The following GK5 variants were observed in gnomAD, a reference collection of about 807,000 sequenced individuals.
The protein encoded by GK5 is glycerol kinase 5.
Under a neutral mutation model 77.3 loss-of-function variants are expected in GK5, and 39 were observed. That is an observed-to-expected ratio of 0.50 (90% confidence interval 0.39 to 0.66). The LOEUF (loss-of-function observed/expected upper bound fraction) is 0.66. Among genes scored for constraint, GK5 ranks in the 30% least tolerant of loss-of-function variants. The pLI, the probability that GK5 is intolerant of heterozygous loss-of-function variation, is 0.00. For missense variants in GK5, 487 were observed against 633.8 expected, an observed-to-expected ratio of 0.77 and a Z score of 2.49; for synonymous variants, 211 against 208.0, an observed-to-expected ratio of 1.01 and a Z score of -0.13.
intron 3 of GK5, among the ~76,000 whole-genome samples, chr3:142,208,845 A>G (rs1448473655): frequency 6.6e-6 from 1 of 152,208 alleles, no homozygotes; most frequent in African/African-American, 2.4e-5. Flanking sequence ...CAGCTGGAAT[A>G]CGCCCTATAA....
At chr3:142,175,130 T>C (rs1329540322) in intron 12 of GK5, among the ~76,000 whole-genome samples, 3 of 152,206 alleles carry the variant, frequency 2.0e-5, no homozygotes, top group Non-Finnish European at 4.4e-5. Flanking sequence ...AAACAGCTTC[T>C]CTGTCTATCC....
At chr3:142,174,319 T>C (rs1390218080) in intron 12 of GK5, among the ~76,000 whole-genome samples, 3 of 152,222 alleles carry the variant, frequency 2.0e-5, no homozygotes, top group African/African-American at 7.2e-5. Context: ...GAGATTTTAT[T>C]TTAATTTTTC....
At chr3:142,189,942 A>G (rs1038003725) in intron 5 of GK5, among the ~76,000 whole-genome samples, 4 of 152,208 alleles carry the variant, frequency 2.6e-5, no homozygotes, top group African/African-American at 9.7e-5. Context: ...ATACACATAT[A>G]TACAAATAAG....
rs2063464034 is a variant in GK5 at position 142,165,497 on chromosome 3, T to TA, written c.*124dup. ...TTGTTTTTTTAAAAGCAATGCTTCTTAAGTTATGAAGCTTATTTAAAATTT... is the reference window on the plus strand; with the variant it reads ...TTGTTTTTTTAAAAGCAATGCTTCTTAAAGTTATGAAGCTTATTTAAAATTT... On this transcript the variant is annotated 3_prime_UTR_variant, in exon 16 of 16. Coordinates refer to ENST00000392993, the MANE Select transcript of GK5 (RefSeq NM_001039547.3). 3.0e-6 allele frequency: 2 copies of TA among 658,252 alleles called. No homozygotes were observed. The highest frequency in any genetic ancestry group is 4.8e-6 in the Non-Finnish European group (2 of 419,106). The allele number at this position is 658,252 out of a possible 1,614,324, so 40.8% of individuals were successfully genotyped here. A position where few individuals can be genotyped will look rare whatever the true frequency, so the allele number is the denominator to read the frequency against.
chr3:142,176,060 C>G (rs1176112854), intron 12 of GK5, among the ~76,000 whole-genome samples: 1 of 151,918 alleles, frequency 6.6e-6, no homozygotes, highest in African/African-American at 2.4e-5. Context: ...AAAATTTTCA[C>G]TTTCTGGACT....
At chr3:142,213,427 T>G (rs1577149642) in intron 3 of GK5, 99 bp downstream of exon 3, 1 of 789,464 alleles carries the variant, frequency 1.3e-6, no homozygotes, top group East Asian at 2.5e-5. Context: ...GAAACTATTC[T>G]CAATTCAGAA....
chr3:142,159,845 C>CTTTTTTTTT lies in GK5; in HGVS notation c.*5776_*5777insAAAAAAAAA, dbSNP rs1560204229. On this transcript the variant is annotated 3_prime_UTR_variant, in exon 16 of 16. Transcript: ENST00000392993. ...TTTGGGGCTTTCTCTCTCTCTCTCT[C>CTTTTTTTTT]TCTCTCTCTTTTTTTTTTTTGAGAC... is the stretch of plus-strand genomic sequence containing the variant. 9.5e-6 allele frequency: 1 copy of CTTTTTTTTT among 104,714 alleles called. No individual in the cohort carries two copies. Among genetic ancestry groups the CTTTTTTTTT allele is most frequent in the African/African-American group, 4.2e-5 (1 of 24,020 alleles). The allele number at this position is 104,714 out of a possible 1,614,324, so 6.5% of individuals were successfully genotyped here.
At chr3:142,220,534 A>G (rs956574245) in intron 1 of GK5, among the ~76,000 whole-genome samples, 2 of 152,176 alleles carry the variant, frequency 1.3e-5, no homozygotes, top group East Asian at 3.9e-4. Flanking sequence ...ATTACACTGC[A>G]CCTCTACTCA....
chr3:142,219,450 T>C (rs1016312163), intron 1 of GK5, among the ~76,000 whole-genome samples: 6 of 152,194 alleles, frequency 3.9e-5, no homozygotes, highest in Admixed American at 6.5e-5. Flanking sequence ...AAAGGCATTA[T>C]GCTGAAAAAA....
At chr3:142,178,979 G>T (rs1270861040) in intron 11 of GK5, among the ~76,000 whole-genome samples, 1 of 152,146 alleles carries the variant, frequency 6.6e-6, no homozygotes, top group Non-Finnish European at 1.5e-5. Flanking sequence ...GTATTACATG[G>T]TGGTTTGATT....
rs528697675 is a variant in GK5 at position 142,193,891 on chromosome 3, C to T, written c.543+4911G>A. On this transcript the variant is annotated intron_variant, in intron 5 of 15. Transcript: ENST00000392993. ...ACATAGCTGGGATTACAGGAGTCCA[C>T]CACTATGTCTGGCTAATTTTTGTAT... Among the ~76,000 whole-genome samples the T allele has an allele frequency of 2.0e-5, 3 of 152,216 alleles. No homozygotes were observed. The South Asian group carries it at 6.2e-4, about 32-fold the overall frequency.
intron 15 of GK5, among the ~76,000 whole-genome samples, chr3:142,167,144 C>T (rs924829833): frequency 1.6e-4 from 24 of 152,058 alleles, no homozygotes; most frequent in Admixed American, 1.0e-3. Flanking sequence ...GAAGCCGAGG[C>T]GGGCAGATCA....
chr3:142,179,486 A>C (rs949851507), intron 11 of GK5, among the ~76,000 whole-genome samples: 1 of 152,212 alleles, frequency 6.6e-6, no homozygotes, highest in Non-Finnish European at 1.5e-5. Context: ...GTTTGAATCC[A>C]GCCTGGGCAA....
At chr3:142,194,195 G>A (rs796210516) in intron 5 of GK5, among the ~76,000 whole-genome samples, 5 of 152,206 alleles carry the variant, frequency 3.3e-5, no homozygotes, top group African/African-American at 1.2e-4. Flanking sequence ...GAGCAGCTAG[G>A]ACAAAATAGT....
rs1447560960 is a variant in GK5 at position 142,163,698 on chromosome 3, T to C, written c.*1924A>G. ...TTCTGACAAAAAGAATTATTTCCTA[T>C]GAAATTACACCCATTGGCTGGGTGC... On this transcript the variant is annotated 3_prime_UTR_variant, in exon 16 of 16. Transcript: ENST00000392993. 1 of 152,096 alleles carries C rather than the reference T, an allele frequency of 6.6e-6. No individual in the cohort carries two copies. The highest frequency in any genetic ancestry group is 2.1e-4 in the South Asian group (1 of 4,820). 9.4% of individuals were successfully genotyped at this position (152,096 alleles called of 1,614,324 possible).
At chr3:142,218,528 A>G (rs566610749) in intron 1 of GK5, among the ~76,000 whole-genome samples, 28 of 149,946 alleles carry the variant, frequency 1.9e-4, no homozygotes, top group Admixed American at 4.0e-4. Flanking sequence ...GCGACAGAGC[A>G]AGGCTCCATC....
rs1344220030 is a variant in GK5, at chr3:142,162,152, A to C, written c.*3470T>G. The C allele has an allele frequency of 6.6e-6, 1 of 152,220 alleles. No homozygotes were observed. Among genetic ancestry groups the C allele is most frequent in the East Asian group, 1.9e-4 (1 of 5,202 alleles). 9.4% of individuals were successfully genotyped at this position (152,220 alleles called of 1,614,324 possible). Reference sequence around the variant, plus strand: ...CAAAATAGATACCCTATTTATTTCAAGATACGATTAACTAATTTTTTTGCT... The same window carrying C: ...CAAAATAGATACCCTATTTATTTCACGATACGATTAACTAATTTTTTTGCT... On this transcript the variant is annotated 3_prime_UTR_variant, in exon 16 of 16. Coordinates refer to ENST00000392993, the MANE Select transcript of GK5 (RefSeq NM_001039547.3).
At chr3:142,185,015 T>A in intron 9 of GK5, 1 of 985,518 alleles carries the variant, frequency 1.0e-6, no homozygotes, top group Non-Finnish European at 1.2e-6. Context: ...TTCCCTCAGC[T>A]GCTCCCCCAG....
At chr3:142,218,405 T>C (rs1310307021) in intron 1 of GK5, among the ~76,000 whole-genome samples, 2 of 146,904 alleles carry the variant, frequency 1.4e-5, no homozygotes, top group African/African-American at 5.0e-5. Context: ...TAGCTGGGTG[T>C]GGCAGTGGTA....
Sources: allele counts gnomAD v4.1 joint callset (sites outside exome capture counted in the v4.1 genomes callset), GRCh38; gene constraint gnomAD v4.1.1; transcripts MANE v1.5; gene names NCBI Gene and HGNC (gene_info 2026-07-23, HGNC 2026-07-21).